Variants in RARB observed in about 807,000 individuals in gnomAD.
RARB encodes retinoic acid receptor beta, also known as HBV-activated protein.
A neutral mutation model predicts 51.9 loss-of-function variants in RARB; 17 were observed. That is an observed-to-expected ratio of 0.33 (90% CI 0.22 to 0.49). RARB has a LOEUF of 0.49. Ranked by LOEUF, RARB falls within the 20% of genes least tolerant of loss-of-function variation. The pLI, the probability that RARB is intolerant of heterozygous loss-of-function variation, is 0.99. For synonymous variants in RARB, 215 were observed against 195.4 expected (o/e 1.10, Z -0.84); for missense variants, 369 against 550.8 (o/e 0.67, Z 3.30).
chr3:25,255,874 G>A (rs963178687), intron 5 of RARB, among the ~76,000 whole-genome samples: 23 of 151,990 alleles, frequency 1.5e-4, no homozygotes, highest in African/African-American at 2.7e-4. Flanking sequence ...ATTACTTTAC[G>A]TCTGTTTATT....
chr3:25,244,614 G>A (rs1309745971), intron 5 of RARB, among the ~76,000 whole-genome samples: 1 of 152,160 alleles, frequency 6.6e-6, no homozygotes, highest in Non-Finnish European at 1.5e-5. Context: ...TCATGTGGTT[G>A]TGAGATTTTG....
chr3:25,343,827 G>C (rs563845164), intron 5 of RARB, among the ~76,000 whole-genome samples: 1 of 152,278 alleles, frequency 6.6e-6, no homozygotes, highest in South Asian at 2.1e-4. Flanking sequence ...GGGAGCTGCT[G>C]TTTTCGATCG....
intron 1 of RARB, among the ~76,000 whole-genome samples, chr3:25,451,777 G>A (rs1709206262): frequency 1.3e-5 from 2 of 152,192 alleles, no homozygotes; most frequent in South Asian, 2.1e-4. Context: ...AGCAACGAAT[G>A]TGTGTGTGGA....
At chr3:24,884,925 T>C (rs1341402730) in intron 2 of RARB, among the ~76,000 whole-genome samples, 4 of 152,132 alleles carry the variant, frequency 2.6e-5, no homozygotes, top group Non-Finnish European at 4.4e-5. Flanking sequence ...CATGGGGCCA[T>C]ACTTCTTTTC....
intron 2 of RARB, among the ~76,000 whole-genome samples, chr3:25,470,434 C>T (rs138930383): frequency 4.9e-4 from 75 of 152,224 alleles, no homozygotes; most frequent in African/African-American, 1.4e-3. Flanking sequence ...GAAGGAGTCT[C>T]GGATCCCTCT....
chr3:25,031,629 C>G (rs1416292974), intron 2 of RARB, among the ~76,000 whole-genome samples: 1 of 152,206 alleles, frequency 6.6e-6, no homozygotes, highest in African/African-American at 2.4e-5. Context: ...CTGATGAACT[C>G]TTTCTCTCAT....
chr3:25,142,966 A>G (rs1162587218), intron 4 of RARB, among the ~76,000 whole-genome samples: 1 of 152,208 alleles, frequency 6.6e-6, no homozygotes, highest in African/African-American at 2.4e-5. Context: ...ATATTTAAAA[A>G]AAAGTCACAG....
chr3:25,094,077 G>T (rs1260461861), intron 3 of RARB, among the ~76,000 whole-genome samples: 3 of 152,152 alleles, frequency 2.0e-5, no homozygotes, highest in Non-Finnish European at 4.4e-5. Context: ...CAGAGAAAAT[G>T]ATGACAGAAC....
At chr3:25,312,025 G>A (rs1704302191) in intron 5 of RARB, among the ~76,000 whole-genome samples, 1 of 152,180 alleles carries the variant, frequency 6.6e-6, no homozygotes, top group Non-Finnish European at 1.5e-5. Flanking sequence ...AAAAATAAAT[G>A]CTTATGTTCA....
intron 2 of RARB, among the ~76,000 whole-genome samples, chr3:24,864,775 A>G (rs1043159091): frequency 2.0e-5 from 3 of 152,200 alleles, no homozygotes; most frequent in Admixed American, 2.0e-4. Context: ...TAAAAAATTT[A>G]CTATCAATCT....
chr3:25,272,582 A>G (rs560232712), intron 5 of RARB, among the ~76,000 whole-genome samples: 90 of 152,314 alleles, frequency 5.9e-4, no homozygotes, highest in Non-Finnish European at 9.0e-4. Flanking sequence ...TTAAAAATAC[A>G]GTATTCTGGG....
In RARB at chr3:25,596,585, G is replaced by C. The variant is rs368432868; in HGVS notation, c.1316G>C (p.Ser439Thr). The change falls in exon 8 of 8, where the codon AGT (serine) becomes ACT (threonine). Residue 439 changes from serine (S) to threonine (T), a missense_variant. This residue lies in a region of RARB where 54 missense variants were observed against 43.4 expected (regional missense o/e 1.24). Coordinates refer to ENST00000330688, the MANE Select transcript of RARB (RefSeq NM_000965.5). Reference sequence around the variant, plus strand: ...ATCTCACCCAGCTCAGTGGAAAACAGTGGGGTCAGTCAGTCACCACTCGTG... The same window carrying C: ...ATCTCACCCAGCTCAGTGGAAAACACTGGGGTCAGTCAGTCACCACTCGTG... ...PSISPSSVENSGVSQSPLVQ is the reference protein window; with the variant it reads ...PSISPSSVENTGVSQSPLVQ 1,066 of 1,610,834 alleles carry C rather than the reference G, an allele frequency of 6.6e-4. 19 individuals carry two copies. The South Asian group carries it at 0.011, about 17-fold the overall frequency.
upstream of RARB, among the ~76,000 whole-genome samples, chr3:25,424,363 T>A (rs1039475920): frequency 2.0e-5 from 3 of 152,230 alleles, no homozygotes; most frequent in Admixed American, 2.0e-4. Context: ...CTGTTAGAAC[T>A]TCCCCCGCTC....
At chr3:25,318,914 T>G (rs143726376) in intron 5 of RARB, among the ~76,000 whole-genome samples, 1 of 152,338 alleles carries the variant, frequency 6.6e-6, no homozygotes, top group African/African-American at 2.4e-5. Flanking sequence ...ACCTTTTATT[T>G]TAACTCTTGT....
intron 2 of RARB, among the ~76,000 whole-genome samples, chr3:24,921,237 A>G (rs1326534386): frequency 6.6e-5 from 10 of 152,100 alleles, no homozygotes; most frequent in Admixed American, 6.5e-4. Flanking sequence ...AGATGTACAC[A>G]TTGAGATCCT....
At chr3:25,535,386 T>C (rs1699097944) in intron 3 of RARB, among the ~76,000 whole-genome samples, 1 of 150,962 alleles carries the variant, frequency 6.6e-6, no homozygotes, top group South Asian at 2.1e-4. Context: ...GCAAATAACC[T>C]CTTCATGTCT....
At chr3:24,844,678 A>G (rs1459190851) in intron 1 of RARB, among the ~76,000 whole-genome samples, 4 of 152,242 alleles carry the variant, frequency 2.6e-5, no homozygotes, top group African/African-American at 7.2e-5. Flanking sequence ...CACTTCTTCA[A>G]TCTATAAGAT....
exon 5 of RARB, chr3:25,174,378 C>G (rs1352430349): frequency 3.7e-6 from 5 of 1,351,652 alleles, no homozygotes; most frequent in Non-Finnish European, 4.9e-6. Flanking sequence ...GAGCACCTTT[C>G]TTTCTGTGAG....
intron 3 of RARB, among the ~76,000 whole-genome samples, chr3:25,536,405 G>A (rs1219300782): frequency 1.3e-5 from 2 of 152,178 alleles, no homozygotes; most frequent in Non-Finnish European, 2.9e-5. Flanking sequence ...TCTGTTCCTT[G>A]AAGGCTGAAA....
Sources: allele counts gnomAD v4.1 joint callset (sites outside exome capture counted in the v4.1 genomes callset), GRCh38; gene constraint gnomAD v4.1.1; regional missense constraint gnomAD v4.1.1; transcripts MANE v1.5; gene names NCBI Gene and HGNC (gene_info 2026-07-23, HGNC 2026-07-21).